Variants in RSRP1 observed in about 807,000 individuals in gnomAD.
The protein encoded by RSRP1 is arginine and serine rich protein 1, also known as arginine/serine-rich protein 1.
RSRP1 carries 37 observed loss-of-function variants against 33.0 expected under a neutral mutation model. That is an observed-to-expected ratio of 1.12 (90% CI 0.86 to 1.48). RSRP1 has a LOEUF of 1.48. RSRP1 is among the 40% of genes most tolerant of loss of function. The probability of loss-of-function intolerance (pLI) is 0.00; values close to 1 mark genes in which losing one functional copy is unlikely to be tolerated. For synonymous variants in RSRP1, 167 were observed against 158.7 expected (o/e 1.05, Z -0.40); for missense variants, 402 against 385.3 (o/e 1.04, Z -0.36).
intron 1 of RSRP1, among the ~76,000 whole-genome samples, chr1:25,303,675 G>A (rs1174049537): frequency 7.6e-6 from 1 of 131,882 alleles, no homozygotes; most frequent in African/African-American, 2.6e-5. Flanking sequence ...GCTTGCTTGG[G>A]CATTGGGGAG....
At chr1:25,281,475 G>A (rs1163509963) in intron 1 of RSRP1, among the ~76,000 whole-genome samples, 1 of 131,934 alleles carries the variant, frequency 7.6e-6, no homozygotes, top group Non-Finnish European at 1.8e-5. Context: ...TTTAACAATC[G>A]TGTTTAATAA....
intron 1 of RSRP1, chr1:25,304,392 A>T (rs1643630015): frequency 7.9e-6 from 1 of 126,764 alleles, no homozygotes; most frequent in Non-Finnish European, 1.8e-5. Flanking sequence ...TGAGGTCAGG[A>T]GTTCAAGACC....
upstream of RSRP1, among the ~76,000 whole-genome samples, chr1:25,252,296 C>T (rs573207317): frequency 5.9e-5 from 9 of 151,914 alleles, no homozygotes; most frequent in Admixed American, 2.6e-4. Context: ...ACACACAGCA[C>T]TCACACATAA....
intron 2 of RSRP1, among the ~76,000 whole-genome samples, chr1:25,245,603 A>G (rs1639309850): frequency 6.6e-6 from 1 of 152,216 alleles, no homozygotes; most frequent in Non-Finnish European, 1.5e-5. Context: ...CCGAGTGAAC[A>G]GAGGGACAAC....
At chr1:25,255,206 A>C (rs1639909643) in intron 1 of RSRP1, among the ~76,000 whole-genome samples, 2 of 152,202 alleles carry the variant, frequency 1.3e-5, no homozygotes, top group South Asian at 4.1e-4. Flanking sequence ...AACGAGAAAT[A>C]CTATAGAAGG....
At chr1:25,293,380 T>A (rs1258581580) in intron 1 of RSRP1, among the ~76,000 whole-genome samples, 7 of 130,494 alleles carry the variant, frequency 5.4e-5, no homozygotes, top group African/African-American at 1.6e-4. Flanking sequence ...ACATTTTATT[T>A]AAAAAAATTA....
intron 1 of RSRP1, among the ~76,000 whole-genome samples, chr1:25,297,974 C>A (rs615418): frequency 7.7e-6 from 1 of 130,600 alleles, no homozygotes; most frequent in African/African-American, 2.6e-5. Context: ...TTATTCTCTC[C>A]GTACATCTAA....
chr1:25,306,042 G>A (rs930632556), intron 1 of RSRP1, among the ~76,000 whole-genome samples: 4 of 131,470 alleles, frequency 3.0e-5, no homozygotes, highest in Middle Eastern at 3.7e-3. Flanking sequence ...GTAGGGATCT[G>A]AAGGTGTGGC....
Position 25,322,271 on chromosome 1 carries a change from G to C in RSRP1, c.-67+15707C>G, listed in dbSNP as rs1008934767. 1.7e-4 allele frequency among the ~76,000 whole-genome samples: 22 copies of C among 132,454 alleles called. 5 individuals are homozygous for C. The highest frequency in any genetic ancestry group is 3.8e-4 in the Non-Finnish European group (21 of 55,856). 86.9% of individuals were successfully genotyped at this position (132,454 alleles called of 152,430 possible). ...AGTCCTCAGCGTAGCCAAATAGTCT[G>C]ACATGCGGGTGACAGAACCCCACAA... On this transcript the variant is annotated intron_variant, in intron 1 of 1. Coordinates refer to the RSRP1 transcript ENST00000561867.
chr1:25,271,876 G>A lies in RSRP1; in HGVS notation c.-66-24847C>T, dbSNP rs1195269415. On this transcript the variant is annotated intron_variant, in intron 1 of 1. Coordinates refer to the RSRP1 transcript ENST00000561867. ...CAGGATCCCCTCCAGGTTTTTACTA[G>A]AGCCAAACCCACATCTCCTTTCTCT... Among the ~76,000 whole-genome samples the A allele has an allele frequency of 2.3e-5, 3 of 131,096 alleles. No homozygotes were observed. The East Asian group carries it at 5.9e-4, about 26-fold the overall frequency. 86.0% of individuals were successfully genotyped at this position (131,096 alleles called of 152,430 possible). A position where few individuals can be genotyped will look rare whatever the true frequency, so the allele number is the denominator to read the frequency against.
At chr1:25,245,725 A>G (rs905571186) in intron 2 of RSRP1, among the ~76,000 whole-genome samples, 1 of 152,140 alleles carries the variant, frequency 6.6e-6, no homozygotes, top group African/African-American at 2.4e-5. Flanking sequence ...TAAAGGCCTG[A>G]GCGTCCTATT....
chr1:25,306,028 C>A (rs2124689629), intron 1 of RSRP1, among the ~76,000 whole-genome samples: 1 of 131,676 alleles, frequency 7.6e-6, no homozygotes, highest in South Asian at 2.3e-4. Flanking sequence ...GGAAGGATTA[C>A]TGAGTAGGGA....
intron 1 of RSRP1, among the ~76,000 whole-genome samples, chr1:25,284,033 C>A (rs1206785737): frequency 7.4e-6 from 1 of 134,964 alleles, no homozygotes. Flanking sequence ...TCGCAGCAGG[C>A]GGCAAAGGGA....
chr1:25,336,328 TTAA>T (rs1236963113), intron 1 of RSRP1: 104 of 118,122 alleles, frequency 8.8e-4, no homozygotes, highest in African/African-American at 4.3e-3. Context: ...TGGATGTCAG[TTAA>T]TAATAATGTA....
chr1:25,285,520 T>C (rs1422014609), intron 1 of RSRP1, among the ~76,000 whole-genome samples: 1 of 135,110 alleles, frequency 7.4e-6, no homozygotes. Context: ...TTCATTAAAT[T>C]ACCTGTGCTT....
intron 2 of RSRP1, 101 bp downstream of exon 2, chr1:25,246,334 GGGCACTAAA>G: frequency 3.4e-6 from 5 of 1,482,110 alleles, no homozygotes; most frequent in Non-Finnish European, 3.6e-6. Context: ...AAAAGATTTC[GGGCACTAAA>G]GGAACTAATA....
chr1:25,307,320 A>G (rs1643902258), intron 1 of RSRP1, among the ~76,000 whole-genome samples: 1 of 131,448 alleles, frequency 7.6e-6, no homozygotes, highest in Admixed American at 7.4e-5. Context: ...TGTGGCCCCT[A>G]GACAGTGGAC....
At chr1:25,258,085 TG>T (rs1371065003) in intron 1 of RSRP1, among the ~76,000 whole-genome samples, 147 of 152,306 alleles carry the variant, frequency 9.7e-4, no homozygotes, top group African/African-American at 3.4e-3. Context: ...GCTTCCAGGA[TG>T]TGGGGGCAGA....
intron 1 of RSRP1, among the ~76,000 whole-genome samples, chr1:25,255,946 G>A (rs1335523831): frequency 3.3e-5 from 5 of 152,112 alleles, no homozygotes; most frequent in African/African-American, 1.2e-4. Flanking sequence ...GCCTCCTGCT[G>A]TGCGGCCTGG....
Sources: allele counts gnomAD v4.1 joint callset (sites outside exome capture counted in the v4.1 genomes callset), GRCh38; gene constraint gnomAD v4.1.1; transcripts MANE v1.5; gene names NCBI Gene and HGNC (gene_info 2026-07-23, HGNC 2026-07-21).